PTPRN2: variants seen among roughly 807,000 people sequenced by gnomAD.
PTPRN2 encodes the protein receptor-type tyrosine-protein phosphatase N2.
In PTPRN2, 74 loss-of-function variants were observed where a neutral mutation model predicts 118.8. The observed-to-expected ratio is 0.62, with a 90% CI of 0.52 to 0.76. The LOEUF is 0.76. Ranked by LOEUF, PTPRN2 falls within the 30% of genes least tolerant of loss-of-function variation. The pLI is 0.00. For missense variants in PTPRN2, 1,481 were observed against 1,394.4 expected (o/e 1.06, Z -0.99); for synonymous variants, 641 against 608.0 (o/e 1.05, Z -0.80).
chr7:157,721,437 G>C (rs985391373), intron 12 of PTPRN2, among the ~76,000 whole-genome samples: 1 of 152,240 alleles, frequency 6.6e-6, no homozygotes, highest in Non-Finnish European at 1.5e-5. Context: ...TTAGGATGAA[G>C]TGTCAGGGGA....
chr7:157,629,144 A>G lies in PTPRN2; in HGVS notation c.2197-7635T>C, dbSNP rs1475934014. Among the ~76,000 whole-genome samples the G allele has an allele frequency of 6.6e-6, 1 of 152,136 alleles. No individual in the cohort carries two copies. Among genetic ancestry groups the G allele is most frequent in the African/African-American group, 2.4e-5 (1 of 41,428 alleles). On this transcript the variant is annotated intron_variant, in intron 14 of 22. Transcript: ENST00000389418. The surrounding 1 kb of genome is among the most constrained non-coding windows in gnomAD (Gnocchi z 4.4). ...TGGGGTAGTGCATCTGGAGACTTGT[A>G]AAGGGTCCAGATGTGGTTCCATGTG...
chr7:158,138,465 C>A lies in PTPRN2; in HGVS notation c.961G>T (p.Val321Leu). The A allele has an allele frequency of 6.2e-7, 1 of 1,613,080 alleles. No homozygotes were observed. The change falls in exon 7 of 23, where the codon GTG (valine) becomes TTG (leucine). Residue 321 changes from valine to leucine, a missense_variant. Transcript: ENST00000389418. The stretch of plus-strand genomic sequence containing the variant: ...AGCTCCAGGCCACTCAGGCCCCTCA[C>A]CTCAGCCGGCTGCCTCTGCAGGTCC... ...LKDLQRQPAE[V>L]RGLSGLELDG...
At chr7:158,414,135 G>A (rs994546184) in intron 2 of PTPRN2, among the ~76,000 whole-genome samples, 3 of 151,220 alleles carry the variant, frequency 2.0e-5, no homozygotes, top group Non-Finnish European at 4.4e-5. Flanking sequence ...GAGAACTGTG[G>A]TTCTAGCAAA....
intron 11 of PTPRN2, among the ~76,000 whole-genome samples, chr7:157,956,887 A>G (rs1801216197): frequency 1.3e-5 from 2 of 152,364 alleles, no homozygotes; most frequent in South Asian, 4.1e-4. Context: ...TTCAATTGCC[A>G]CCAAGTAAAG....
chr7:158,444,148 C>T (rs1421858604), intron 2 of PTPRN2, among the ~76,000 whole-genome samples: 1 of 152,218 alleles, frequency 6.6e-6, no homozygotes, highest in South Asian at 2.1e-4. Flanking sequence ...GGCACCTGCC[C>T]CAGGGATGCT....
At chr7:158,330,989 T>G (rs1324984218) in intron 2 of PTPRN2, among the ~76,000 whole-genome samples, 1 of 111,900 alleles carries the variant, frequency 8.9e-6, no homozygotes, top group African/African-American at 3.5e-5. Context: ...ACTCTCACCA[T>G]AAGAGCTGAC....
chr7:158,348,182 A>G (rs1807658113), intron 2 of PTPRN2, among the ~76,000 whole-genome samples: 1 of 152,076 alleles, frequency 6.6e-6, no homozygotes, highest in East Asian at 1.9e-4. Flanking sequence ...CAGCCATCCC[A>G]ACACCACACA....
chr7:157,876,371 C>T (rs1479424522), intron 12 of PTPRN2, among the ~76,000 whole-genome samples: 2 of 152,202 alleles, frequency 1.3e-5, no homozygotes, highest in African/African-American at 4.8e-5. Flanking sequence ...GCAGCGGCCC[C>T]AGGACAGAGT....
chr7:157,615,650 A>G lies in PTPRN2; in HGVS notation c.2344+5712T>C, dbSNP rs762690478. 2 of 465,138 alleles carry G rather than the reference A, an allele frequency of 4.3e-6. No homozygotes were observed. The highest frequency in any genetic ancestry group is 1.6e-5 in the South Asian group (1 of 64,470). 28.8% of individuals were successfully genotyped at this position (465,138 alleles called of 1,614,324 possible). On this transcript the variant is annotated intron_variant, in intron 15 of 22. Transcript: ENST00000389418. This position sits in a 1 kb window ranked among gnomAD's most constrained non-coding sequence, Gnocchi z 4.3. The stretch of plus-strand genomic sequence containing the variant: ...GGTCCTGCGGAATGTGTTTTTATCA[A>G]TGACTTGACGACGTGAAAAACATGT...
intron 1 of PTPRN2, 52 bp from the exon 2 acceptor site, chr7:158,489,837 GC>G (rs1821314792): frequency 6.6e-7 from 1 of 1,506,300 alleles, no homozygotes; most frequent in Non-Finnish European, 9.0e-7. Flanking sequence ...GGAGGGGGGT[GC>G]CCCCGAGGCT....
At chr7:158,290,392 C>T (rs190827581) in intron 3 of PTPRN2, among the ~76,000 whole-genome samples, 1 of 152,100 alleles carries the variant, frequency 6.6e-6, no homozygotes, top group East Asian at 1.9e-4. Flanking sequence ...AGCCTGGTGC[C>T]AGAGATGATG....
chr7:158,523,424 C>T (rs1182181920), intron 1 of PTPRN2, among the ~76,000 whole-genome samples: 1 of 118,552 alleles, frequency 8.4e-6, no homozygotes, highest in Non-Finnish European at 1.9e-5. Flanking sequence ...GGAGTCTGCC[C>T]TGAAGCGGAG....
chr7:157,726,415 A>AG (rs1799604229), intron 12 of PTPRN2, among the ~76,000 whole-genome samples: 2 of 152,172 alleles, frequency 1.3e-5, no homozygotes, highest in African/African-American at 4.8e-5. Flanking sequence ...GCCTCCCAGG[A>AG]AAACTGGATA....
At chr7:158,556,363 G>A (rs917017068) in intron 1 of PTPRN2, among the ~76,000 whole-genome samples, 2 of 152,084 alleles carry the variant, frequency 1.3e-5, no homozygotes, top group African/African-American at 4.8e-5. Flanking sequence ...AGACCAGTCT[G>A]GGCAACATAG....
Position 157,974,109 on chromosome 7 carries a change from G to T in PTPRN2, c.1724-75372C>A, listed in dbSNP as rs961947434. Among the ~76,000 whole-genome samples, 3 of 152,220 alleles carry T rather than the reference G, an allele frequency of 2.0e-5. No homozygotes were observed. Among genetic ancestry groups the T allele is most frequent in the Non-Finnish European group, 2.9e-5 (2 of 68,042 alleles). ...CTGAGCTGCCTGACTTGCACTGCTG[G>T]ACGGTGGGTTGGCGGTGTTGACGCT... On this transcript the variant is annotated intron_variant, in intron 11 of 22. Coordinates refer to ENST00000389418, the MANE Select transcript of PTPRN2 (RefSeq NM_002847.5). This position sits in a 1 kb window ranked among gnomAD's most constrained non-coding sequence, Gnocchi z 4.0.
chr7:157,921,418 C>T, intron 11 of PTPRN2, among the ~76,000 whole-genome samples: 1 of 152,242 alleles, frequency 6.6e-6, no homozygotes, highest in African/African-American at 2.4e-5. Flanking sequence ...TCATCATACA[C>T]TTGCCCAAAC....
chr7:158,151,958 G>T (rs1313610368), intron 6 of PTPRN2, among the ~76,000 whole-genome samples: 1 of 152,070 alleles, frequency 6.6e-6, no homozygotes, highest in East Asian at 1.9e-4. Flanking sequence ...TGGATCACAA[G>T]GTCAGGAGAT....
At chr7:158,146,847 G>C (rs901559242) in intron 6 of PTPRN2, among the ~76,000 whole-genome samples, 7 of 151,942 alleles carry the variant, frequency 4.6e-5, no homozygotes, top group African/African-American at 9.7e-5. Context: ...AGAGAGACTT[G>C]ACCAATGGAT....
chr7:157,843,713 C>A (rs574288775), intron 12 of PTPRN2, among the ~76,000 whole-genome samples: 1 of 152,230 alleles, frequency 6.6e-6, no homozygotes, highest in Admixed American at 6.5e-5. Flanking sequence ...TTCTTTCCAG[C>A]GTGCCACACA....
Sources: allele counts gnomAD v4.1 joint callset (sites outside exome capture counted in the v4.1 genomes callset), GRCh38; gene constraint gnomAD v4.1.1; non-coding constraint Gnocchi (gnomAD v3.1); transcripts MANE v1.5; gene names NCBI Gene and HGNC (gene_info 2026-07-23, HGNC 2026-07-21).